KATNBL1: variants seen among roughly 807,000 people sequenced by gnomAD.
KATNBL1 encodes KATNB1-like protein 1.
KATNBL1 carries 28 observed loss-of-function variants against 44.7 expected under a neutral mutation model. The ratio of observed to expected loss-of-function variants is 0.63; its 90% CI spans 0.46 to 0.86. KATNBL1 has a LOEUF of 0.86. KATNBL1 is among the 40% of genes least tolerant of loss of function. The probability of loss-of-function intolerance (pLI) is 0.00; values close to 1 mark genes in which losing one functional copy is unlikely to be tolerated. For missense variants in KATNBL1, 272 were observed against 350.7 expected (o/e 0.78, Z 1.79); for synonymous variants, 78 against 114.9 (o/e 0.68, Z 2.06).
rs1194465221 is a variant in KATNBL1, at chr15:34,152,803, C to T, written c.425G>A (p.Gly142Glu). The T allele has an allele frequency of 6.2e-7, 1 of 1,607,810 alleles. No individual in the cohort carries two copies. Among genetic ancestry groups the T allele is most frequent in the Non-Finnish European group, 8.5e-7 (1 of 1,176,542 alleles). ...QTESPSSKYS[G>E]FFSEVSQDHE... is the part of the protein sequence containing the mutation. ...GAAAAGACTTACCTCAGAAAAAAAC[C>T]CACTATATTTTGATGATGGGCTTTC... The change falls in exon 4 of 10, where the codon GGG becomes GAG. Residue 142 changes from glycine (G) to glutamate (E), a missense_variant. Transcript: ENST00000256544.
At chr15:34,164,628 A>G (rs1800833497) in intron 1 of KATNBL1, among the ~76,000 whole-genome samples, 1 of 152,226 alleles carries the variant, frequency 6.6e-6, no homozygotes, top group African/African-American at 2.4e-5. Context: ...ATATAACAGA[A>G]GAAATTTGTG....
intron 1 of KATNBL1, among the ~76,000 whole-genome samples, chr15:34,190,013 C>A (rs1017853829): frequency 1.3e-5 from 2 of 151,342 alleles, no homozygotes; most frequent in African/African-American, 4.9e-5. Flanking sequence ...GGCACGATCT[C>A]GGCTCACTGC....
In KATNBL1 at chr15:34,147,333, T is replaced by G. The variant is rs1413026168; in HGVS notation, c.609-44A>C. The G allele has an allele frequency of 4.1e-5, 65 of 1,598,044 alleles. No homozygotes were observed. The Admixed American group carries it at 1.1e-3, about 26-fold the overall frequency. On this transcript the variant is annotated intron_variant, in intron 6 of 9. Transcript: ENST00000256544. The stretch of plus-strand genomic sequence containing the variant: ...TATAAAAATATGGATGGGCCATAAT[T>G]TGACCTCCTTTAATCTTATTTTTTT...
chr15:34,142,394 T>C (rs1888175377), intron 9 of KATNBL1, 23 bp from the exon 10 acceptor site: 34 of 1,575,532 alleles, frequency 2.2e-5, no homozygotes, highest in Non-Finnish European at 2.7e-5. Flanking sequence ...AACAAAAACA[T>C]TTCATTAGAC....
intron 4 of KATNBL1, among the ~76,000 whole-genome samples, chr15:34,151,234 C>G (rs558035325): frequency 6.6e-6 from 1 of 152,240 alleles, no homozygotes; most frequent in African/African-American, 2.4e-5. Flanking sequence ...TTTTCCACAA[C>G]CTTGCCAGAA....
chr15:34,200,409 C>T (rs865885812), intron 1 of KATNBL1, among the ~76,000 whole-genome samples: 18 of 139,856 alleles, frequency 1.3e-4, no homozygotes, highest in East Asian at 6.4e-4. Flanking sequence ...CGTGCCACCA[C>T]GCCCAGCTAA....
intron 4 of KATNBL1, among the ~76,000 whole-genome samples, chr15:34,152,446 C>T (rs1597428449): frequency 6.6e-6 from 1 of 152,198 alleles, no homozygotes; most frequent in Non-Finnish European, 1.5e-5. Context: ...TCGTGATCCA[C>T]CCACCTCGGG....
At chr15:34,162,568 C>T (rs778194421) in intron 2 of KATNBL1, among the ~76,000 whole-genome samples, 2 of 152,298 alleles carry the variant, frequency 1.3e-5, no homozygotes, top group Admixed American at 6.5e-5. Flanking sequence ...TTGTAACTTA[C>T]AGGATGCTTA....
At chr15:34,166,598 C>T (rs530555500) in intron 1 of KATNBL1, among the ~76,000 whole-genome samples, 5 of 152,220 alleles carry the variant, frequency 3.3e-5, no homozygotes, top group African/African-American at 9.6e-5. Context: ...TCTCCCAACA[C>T]GACGTTTGAG....
At chr15:34,194,844 T>A (rs1483819703) in intron 1 of KATNBL1, among the ~76,000 whole-genome samples, 5 of 152,292 alleles carry the variant, frequency 3.3e-5, no homozygotes, top group Non-Finnish European at 2.9e-5. Context: ...CCAAGAAGCA[T>A]GTGAACAAAT....
intron 1 of KATNBL1, among the ~76,000 whole-genome samples, chr15:34,171,089 T>C (rs1425146953): frequency 6.6e-6 from 1 of 151,856 alleles, no homozygotes; most frequent in Non-Finnish European, 1.5e-5. Flanking sequence ...ACAAATGGGA[T>C]CTAATTAAAC....
At chr15:34,142,422 CAT>C (rs1183454210) in intron 9 of KATNBL1, 51 bp from the exon 10 acceptor site, 3 of 1,534,232 alleles carry the variant, frequency 2.0e-6, no homozygotes, top group Non-Finnish European at 2.6e-6. Context: ...TAAATACAAA[CAT>C]AAACAATCCA....
At chr15:34,168,001 C>A (rs1889036100) in intron 1 of KATNBL1, among the ~76,000 whole-genome samples, 1 of 152,144 alleles carries the variant, frequency 6.6e-6, no homozygotes, top group South Asian at 2.1e-4. Flanking sequence ...ATTGTAAAGA[C>A]CATCGATGCT....
chr15:34,141,784 AT>A lies in KATNBL1; in HGVS notation c.*554del, dbSNP rs1375679730. On this transcript the variant is annotated 3_prime_UTR_variant, in exon 10 of 10. Coordinates refer to ENST00000256544, the MANE Select transcript of KATNBL1 (RefSeq NM_024713.3). ...ATCATAACACATTGGCTTATTAATA[AT>A]TAAGGCATTTTACATACACAGTATC... 2.0e-5 allele frequency: 3 copies of A among 152,596 alleles called. No homozygotes were observed. The highest frequency in any genetic ancestry group is 4.4e-5 in the Non-Finnish European group (3 of 68,006). The allele number at this position is 152,596 out of a possible 1,614,324, so 9.5% of individuals were successfully genotyped here. A position where few individuals can be genotyped will look rare whatever the true frequency, so the allele number is the denominator to read the frequency against.
chr15:34,181,855 C>A lies in KATNBL1; in HGVS notation c.-14-18165G>T, dbSNP rs1168122520. Among the ~76,000 whole-genome samples the A allele has an allele frequency of 1.0e-4, 9 of 88,360 alleles. 1 individual carries two copies. Among genetic ancestry groups the A allele is most frequent in the South Asian group, 3.8e-4 (1 of 2,608 alleles). 58.0% of individuals were successfully genotyped at this position (88,360 alleles called of 152,430 possible). A position where few individuals can be genotyped will look rare whatever the true frequency, so the allele number is the denominator to read the frequency against. The stretch of plus-strand genomic sequence containing the variant: ...CCATATATATACACATATATATAGT[C>A]CATATATATATATCCATATATATAT... On this transcript the variant is annotated intron_variant, in intron 1 of 9. Transcript: ENST00000256544.
At position 34,170,883 on chromosome 15, in the gene KATNBL1, T is replaced by A. The variant is rs142707751; in HGVS notation, c.-14-7193A>T. Among the ~76,000 whole-genome samples the A allele has an allele frequency of 3.5e-3, 540 of 152,340 alleles. 10 individuals carry two copies. The highest frequency in any genetic ancestry group is 0.031 in the Admixed American group (468 of 15,298). On this transcript the variant is annotated intron_variant, in intron 1 of 9. Transcript: ENST00000256544. ...GTGCTGGGAAAACTGGCTAGCCATA[T>A]GTAGAAAGCTGAAACTGGATCCCTT...
chr15:34,202,239 A>G (rs920219948), intron 1 of KATNBL1, among the ~76,000 whole-genome samples: 3 of 152,184 alleles, frequency 2.0e-5, no homozygotes, highest in Non-Finnish European at 4.4e-5. Flanking sequence ...GTAGTATTCA[A>G]CTCTCAAAAT....
At chr15:34,145,342 G>C in intron 9 of KATNBL1, 56 bp downstream of exon 9, 1 of 1,321,044 alleles carries the variant, frequency 7.6e-7, no homozygotes, top group Non-Finnish European at 9.9e-7. Flanking sequence ...ATTTATAAAT[G>C]TAAAATATTA....
intron 1 of KATNBL1, among the ~76,000 whole-genome samples, chr15:34,181,480 TTAC>T (rs1362666519): frequency 6.6e-6 from 1 of 150,902 alleles, no homozygotes; most frequent in Admixed American, 6.6e-5. Context: ...ATTAGAGACA[TTAC>T]TATTAAAAAT....
Sources: allele counts gnomAD v4.1 joint callset (sites outside exome capture counted in the v4.1 genomes callset), GRCh38; gene constraint gnomAD v4.1.1; transcripts MANE v1.5; gene names NCBI Gene and HGNC (gene_info 2026-07-23, HGNC 2026-07-21).